SERPINI1: variants seen among roughly 807,000 people sequenced by gnomAD.
SERPINI1 encodes the protein neuroserpin.
In SERPINI1, 19 loss-of-function variants were observed where a neutral mutation model predicts 41.1. That is an observed-to-expected ratio of 0.46 (90% CI 0.32 to 0.68). The LOEUF is 0.68. SERPINI1 is among the 30% of genes least tolerant of loss of function. SERPINI1 has a pLI of 0.03. For missense variants in SERPINI1, 460 were observed against 479.2 expected (o/e 0.96, Z 0.37); for synonymous variants, 138 against 156.6 (o/e 0.88, Z 0.89).
At chr3:167,755,832 G>A (rs1726176790) in intron 1 of SERPINI1, among the ~76,000 whole-genome samples, 2 of 131,198 alleles carry the variant, frequency 1.5e-5, no homozygotes, top group South Asian at 4.6e-4. Context: ...GGTCCGTCCT[G>A]CAGACCCCAG....
chr3:167,815,406 G>A (rs1231998875), intron 6 of SERPINI1, among the ~76,000 whole-genome samples: 3 of 130,810 alleles, frequency 2.3e-5, no homozygotes, highest in Admixed American at 8.0e-5. Flanking sequence ...TTTCTTTTTT[G>A]TGAGATGGAG....
At chr3:167,743,927 A>C (rs555724379) in intron 1 of SERPINI1, among the ~76,000 whole-genome samples, 13 of 152,118 alleles carry the variant, frequency 8.5e-5, no homozygotes, top group South Asian at 2.1e-4. Flanking sequence ...CTACAGTCAC[A>C]CTACCTTGTT....
intron 6 of SERPINI1, among the ~76,000 whole-genome samples, chr3:167,818,622 C>A (rs898326787): frequency 6.6e-6 from 1 of 151,916 alleles, no homozygotes; most frequent in South Asian, 2.1e-4. Flanking sequence ...AAATAACTAG[C>A]TCTCTGAGAA....
chr3:167,744,784 A>G (rs1453146257), intron 1 of SERPINI1, among the ~76,000 whole-genome samples: 3 of 103,924 alleles, frequency 2.9e-5, no homozygotes, highest in Non-Finnish European at 5.6e-5. Context: ...ATATATAACT[A>G]TGGTTATATA....
At chr3:167,764,728 C>A (rs1234313823) in intron 1 of SERPINI1, among the ~76,000 whole-genome samples, 1 of 152,206 alleles carries the variant, frequency 6.6e-6, no homozygotes, top group African/African-American at 2.4e-5. Flanking sequence ...TGAGACAAGG[C>A]AAGTCCCTTC....
intron 1 of SERPINI1, among the ~76,000 whole-genome samples, chr3:167,758,972 A>G (rs115870918): frequency 0.01 from 1,550 of 152,302 alleles, 24 homozygotes; most frequent in African/African-American, 0.036. Flanking sequence ...GTGGCTCTTT[A>G]TAAAAGAAGC....
chr3:167,739,859 C>T (rs943462644), intron 1 of SERPINI1, among the ~76,000 whole-genome samples: 2 of 151,994 alleles, frequency 1.3e-5, no homozygotes, highest in South Asian at 2.1e-4. Context: ...GTAATTTTTA[C>T]TTCATTATGA....
chr3:167,776,837 A>G (rs1726982900), intron 1 of SERPINI1, among the ~76,000 whole-genome samples: 1 of 152,252 alleles, frequency 6.6e-6, no homozygotes, highest in African/African-American at 2.4e-5. Flanking sequence ...GTCAGCACAG[A>G]AAGTTGTGTT....
At chr3:167,792,277 C>T (rs968248036) in intron 3 of SERPINI1, among the ~76,000 whole-genome samples, 2 of 151,912 alleles carry the variant, frequency 1.3e-5, no homozygotes, top group African/African-American at 4.8e-5. Flanking sequence ...TATCAGGAAG[C>T]TACTAGTATT....
intron 1 of SERPINI1, among the ~76,000 whole-genome samples, chr3:167,773,474 T>C (rs1386894242): frequency 6.6e-6 from 1 of 152,236 alleles, no homozygotes; most frequent in Non-Finnish European, 1.5e-5. Context: ...GACACATCTT[T>C]CTACATAACT....
chr3:167,815,138 C>A (rs1309010709), intron 6 of SERPINI1, among the ~76,000 whole-genome samples: 1 of 152,142 alleles, frequency 6.6e-6, no homozygotes, highest in Non-Finnish European at 1.5e-5. Flanking sequence ...CAGGCAAAGT[C>A]CAGGCCTTGA....
At chr3:167,816,378 T>C (rs1712090491) in intron 6 of SERPINI1, among the ~76,000 whole-genome samples, 1 of 152,208 alleles carries the variant, frequency 6.6e-6, no homozygotes, top group Non-Finnish European at 1.5e-5. Flanking sequence ...ACCATAATTA[T>C]GAACAGAGTT....
At chr3:167,756,459 A>G (rs1726195803) in intron 1 of SERPINI1, among the ~76,000 whole-genome samples, 1 of 151,612 alleles carries the variant, frequency 6.6e-6, no homozygotes, top group African/African-American at 2.4e-5. Flanking sequence ...CACCACATTC[A>G]TCTTTGTTTT....
intron 1 of SERPINI1, among the ~76,000 whole-genome samples, chr3:167,762,726 A>T (rs1319457959): frequency 6.6e-6 from 1 of 151,868 alleles, no homozygotes; most frequent in Non-Finnish European, 1.5e-5. Flanking sequence ...TAAAATTGCG[A>T]TACTCCCTCT....
At chr3:167,759,967 A>G (rs1010168525) in intron 1 of SERPINI1, among the ~76,000 whole-genome samples, 3 of 152,306 alleles carry the variant, frequency 2.0e-5, no homozygotes, top group East Asian at 1.9e-4. Context: ...CACTGCATAT[A>G]TGTATGTACG....
At chr3:167,744,648 A>T (rs1283231433) in intron 1 of SERPINI1, among the ~76,000 whole-genome samples, 2 of 130,558 alleles carry the variant, frequency 1.5e-5, no homozygotes, top group Admixed American at 1.7e-4. Context: ...TTATATATAA[A>T]TATATATAAA....
At chr3:167,807,946 A>G (rs1210100926) in intron 6 of SERPINI1, among the ~76,000 whole-genome samples, 1 of 151,886 alleles carries the variant, frequency 6.6e-6, no homozygotes, top group Non-Finnish European at 1.5e-5. Flanking sequence ...GTGAAACCCC[A>G]TCTCTACTAA....
intron 1 of SERPINI1, among the ~76,000 whole-genome samples, chr3:167,771,852 C>T (rs1057345293): frequency 2.6e-5 from 4 of 151,680 alleles, no homozygotes; most frequent in African/African-American, 7.3e-5. Flanking sequence ...TGTGTGCGCG[C>T]ACGCGCACGC....
At chr3:167,773,604 A>G (rs1369753679) in intron 1 of SERPINI1, among the ~76,000 whole-genome samples, 1 of 152,212 alleles carries the variant, frequency 6.6e-6, no homozygotes, top group Non-Finnish European at 1.5e-5. Context: ...CCCACACTGC[A>G]ATAAAAATTA....
Sources: allele counts gnomAD v4.1 joint callset (sites outside exome capture counted in the v4.1 genomes callset), GRCh38; gene constraint gnomAD v4.1.1; transcripts MANE v1.5; gene names NCBI Gene and HGNC (gene_info 2026-07-23, HGNC 2026-07-21).